The following ZNRF1 variants were observed in gnomAD, a reference collection of about 807,000 sequenced individuals.
The protein encoded by ZNRF1 is E3 ubiquitin-protein ligase ZNRF1.
ZNRF1 carries 3 observed loss-of-function variants against 18.4 expected under a neutral mutation model. The observed-to-expected ratio is 0.16, with a 90% confidence interval of 0.07 to 0.42. The LOEUF (loss-of-function observed/expected upper bound fraction) is 0.42, where lower values mean the gene tolerates loss of function less well. ZNRF1 is among the 10% of genes least tolerant of loss of function. ZNRF1 has a pLI of 0.99. For synonymous variants in ZNRF1, 157 were observed against 144.2 expected (o/e 1.09, Z -0.64); for missense variants, 310 against 329.8 (o/e 0.94, Z 0.47).
chr16:75,039,210 A>G (rs1274333045), intron 1 of ZNRF1, among the ~76,000 whole-genome samples: 5 of 152,214 alleles, frequency 3.3e-5, no homozygotes, highest in Non-Finnish European at 5.9e-5. Flanking sequence ...TAAACTTGAA[A>G]AGTGGCCTAA....
Position 74,999,126 on chromosome 16 carries a change from G to T in ZNRF1, c.-546G>T. 6.8e-6 allele frequency: 1 copy of T among 147,664 alleles called. No individual in the cohort carries two copies. Among genetic ancestry groups the T allele is most frequent in the South Asian group, 2.1e-4 (1 of 4,878 alleles). The allele number at this position is 147,664 out of a possible 1,614,324, so 9.1% of individuals were successfully genotyped here. A position where few individuals can be genotyped will look rare whatever the true frequency, so the allele number is the denominator to read the frequency against. On this transcript the variant is annotated 5_prime_UTR_variant, in exon 1 of 5. Transcript: ENST00000335325. ...GGCGGCTGAAGCGAGAGCGCGACGC[G>T]ACGCGACCGCGGCTTCCCGAGCTGC...
intron 1 of ZNRF1, among the ~76,000 whole-genome samples, chr16:75,048,802 C>T (rs150689119): frequency 1.1e-4 from 17 of 152,280 alleles, no homozygotes; most frequent in African/African-American, 3.9e-4. Flanking sequence ...TAGCTGCCAA[C>T]TCTGAAATGG....
chr16:75,073,027 C>T (rs1489181300), intron 1 of ZNRF1, among the ~76,000 whole-genome samples: 2 of 152,090 alleles, frequency 1.3e-5, no homozygotes, highest in Admixed American at 6.5e-5. Flanking sequence ...CAGTAGCTCA[C>T]GCCTGTAATC....
At chr16:75,037,110 A>T (rs1323305812) in intron 1 of ZNRF1, among the ~76,000 whole-genome samples, 1 of 152,134 alleles carries the variant, frequency 6.6e-6, no homozygotes, top group South Asian at 2.1e-4. Flanking sequence ...TAGAATTTCA[A>T]TCTGTCGATT....
intron 1 of ZNRF1, among the ~76,000 whole-genome samples, chr16:75,006,485 G>T (rs2034919073): frequency 6.6e-6 from 1 of 152,162 alleles, no homozygotes; most frequent in Non-Finnish European, 1.5e-5. Flanking sequence ...ACCCAGGCTG[G>T]AGTGCAGTGG....
At position 75,095,587 on chromosome 16, in the gene ZNRF1, G is replaced by A. The variant is rs768360187; in HGVS notation, c.520+1920G>A. 15 of 1,538,474 alleles carry A rather than the reference G, an allele frequency of 9.7e-6. No individual in the cohort carries two copies. In the East Asian group the frequency reaches 1.7e-4, roughly 18 times the overall value. ...CTAGGGCGTTCTCTGTAGACACTGC[G>A]TTTGTTGTAGGAAGAATACAAAGAA... On this transcript the variant is annotated intron_variant, in intron 2 of 4. Transcript: ENST00000335325.
intron 1 of ZNRF1, among the ~76,000 whole-genome samples, chr16:75,000,891 C>G (rs1225505949): frequency 6.6e-6 from 1 of 152,228 alleles, no homozygotes. Flanking sequence ...GCTGTTGGCA[C>G]ATGACTGGGG....
chr16:75,073,144 C>CTG (rs2035892408), intron 1 of ZNRF1, among the ~76,000 whole-genome samples: 13 of 142,282 alleles, frequency 9.1e-5, no homozygotes, highest in African/African-American at 2.6e-4. Flanking sequence ...CTCTCTCTCT[C>CTG]TCTCTCTCTG....
intron 1 of ZNRF1, among the ~76,000 whole-genome samples, chr16:75,034,064 A>G (rs929246858): frequency 6.6e-6 from 1 of 151,960 alleles, no homozygotes; most frequent in African/African-American, 2.4e-5. Context: ...AGGCTGAGCC[A>G]GGAGAATTGC....
intron 1 of ZNRF1, among the ~76,000 whole-genome samples, chr16:75,020,580 C>T (rs2035131467): frequency 6.6e-6 from 1 of 151,214 alleles, no homozygotes; most frequent in Admixed American, 6.6e-5. Flanking sequence ...CTCGCTGTGT[C>T]ACCCAGGCTG....
At chr16:75,058,122 T>TA (rs1215518352) in intron 1 of ZNRF1, among the ~76,000 whole-genome samples, 1 of 118,918 alleles carries the variant, frequency 8.4e-6, no homozygotes, top group Non-Finnish European at 1.9e-5. Flanking sequence ...TTTTTTTTTT[T>TA]AAATATTTTA....
intron 1 of ZNRF1, among the ~76,000 whole-genome samples, chr16:75,068,936 G>A (rs2035836089): frequency 1.3e-5 from 2 of 151,730 alleles, no homozygotes; most frequent in South Asian, 2.1e-4. Context: ...TATTTTGGGA[G>A]CATTAAAAAA....
intron 1 of ZNRF1, among the ~76,000 whole-genome samples, chr16:75,001,759 T>G (rs1276651311): frequency 6.6e-6 from 1 of 152,218 alleles, no homozygotes; most frequent in South Asian, 2.1e-4. Flanking sequence ...GTGCTTTTTT[T>G]GCTAAAATTT....
intron 1 of ZNRF1, among the ~76,000 whole-genome samples, chr16:75,076,099 G>C (rs751261890): frequency 6.6e-6 from 1 of 152,176 alleles, no homozygotes; most frequent in Non-Finnish European, 1.5e-5. Context: ...GAGCCCTGGA[G>C]GGCCTGATTC....
At chr16:75,017,717 C>T (rs376989057) in intron 1 of ZNRF1, among the ~76,000 whole-genome samples, 1 of 152,368 alleles carries the variant, frequency 6.6e-6, no homozygotes, top group African/African-American at 2.4e-5. Context: ...CTGCCACTCT[C>T]TGCTCCCAAG....
At chr16:75,095,758 T>C (rs1158019116) in intron 2 of ZNRF1, 1 of 1,511,242 alleles carries the variant, frequency 6.6e-7, no homozygotes, top group East Asian at 2.5e-5. Context: ...AAGGTGAGGC[T>C]GTCCAGCTCC....
chr16:75,074,945 G>C (rs1423485682), intron 1 of ZNRF1, among the ~76,000 whole-genome samples: 6 of 152,152 alleles, frequency 3.9e-5, no homozygotes. Flanking sequence ...ATGTATTAAG[G>C]AAATGTTTGT....
At chr16:75,009,237 G>A (rs1184502449) in intron 1 of ZNRF1, among the ~76,000 whole-genome samples, 1 of 152,060 alleles carries the variant, frequency 6.6e-6, no homozygotes, top group East Asian at 1.9e-4. Context: ...TTCTGTGCTG[G>A]CTCCCCTCTC....
chr16:75,010,704 TTTTTTTG>T (rs1217594433), intron 1 of ZNRF1, among the ~76,000 whole-genome samples: 16 of 39,860 alleles, frequency 4.0e-4, no homozygotes, highest in Non-Finnish European at 8.4e-4. Flanking sequence ...CTGTACTGTT[TTTTTTTG>T]TTTTTTTGTT....
Sources: gnomAD v4.1 joint callset for allele counts (sites outside exome capture counted in the v4.1 genomes callset) on GRCh38, gnomAD v4.1.1 for gene constraint, MANE v1.5 for transcripts, NCBI Gene and HGNC (gene_info 2026-07-23, HGNC 2026-07-21) for gene names.